The following KPNA5 variants were observed in gnomAD, a reference collection of about 807,000 sequenced individuals.
KPNA5 encodes karyopherin subunit alpha 5, also known as importin subunit alpha-6.
A neutral mutation model predicts 71.3 loss-of-function variants in KPNA5; 46 were observed. The ratio of observed to expected loss-of-function variants is 0.65; its 90% CI spans 0.51 to 0.83. KPNA5 has a LOEUF of 0.83. KPNA5 is among the 40% of genes least tolerant of loss of function. The pLI is 0.00. For synonymous variants in KPNA5, 207 were observed against 201.4 expected (o/e 1.03, Z -0.24); for missense variants, 547 against 628.3 (o/e 0.87, Z 1.38).
rs1010932340 is a variant in KPNA5, at chr6:116,706,761, G to A, written c.656+1601G>A. On this transcript the variant is annotated intron_variant, in intron 7 of 13. Coordinates refer to ENST00000368564, the MANE Select transcript of KPNA5 (RefSeq NM_001366306.2). ...TTTCAGAGTTTCATTATAAAACTTCGTCTTAGAAAGTTTCAAAGTATTTAA... is the reference window on the plus strand; with the variant it reads ...TTTCAGAGTTTCATTATAAAACTTCATCTTAGAAAGTTTCAAAGTATTTAA... Among the ~76,000 whole-genome samples the A allele has an allele frequency of 7.9e-5, 12 of 152,122 alleles. 1 individual carries two copies. Among genetic ancestry groups the A allele is most frequent in the South Asian group, 4.1e-4 (2 of 4,822 alleles).
chr6:116,724,501 C>CTGTGTGTGTGTG (rs1779224821), intron 10 of KPNA5, 126 bp downstream of exon 10: 2 of 606,688 alleles, frequency 3.3e-6, no homozygotes, highest in Non-Finnish European at 6.0e-6. Flanking sequence ...GTGTCTGTAT[C>CTGTGTGTGTGTG]TGTGTCTTGG....
intron 13 of KPNA5, among the ~76,000 whole-genome samples, chr6:116,730,343 T>A (rs1377196731): frequency 2.0e-5 from 3 of 151,988 alleles, no homozygotes. Flanking sequence ...CACCTCAACC[T>A]CCCAAAGTGC....
chr6:116,706,038 A>G (rs895341259), intron 7 of KPNA5, among the ~76,000 whole-genome samples: 1 of 152,262 alleles, frequency 6.6e-6, no homozygotes, highest in Non-Finnish European at 1.5e-5. Flanking sequence ...TTAATGGTCC[A>G]TAGTAATTGA....
At chr6:116,716,341 A>G in intron 8 of KPNA5, 23 bp downstream of exon 8, 1 of 1,466,824 alleles carries the variant, frequency 6.8e-7, no homozygotes, top group Non-Finnish European at 9.5e-7. Context: ...TACACAAATT[A>G]AAATATTTGT....
At position 116,736,026 on chromosome 6, in the gene KPNA5, G is replaced by T. The variant is rs1003841209; in HGVS notation, c.*3703G>T. 1.3e-5 allele frequency: 2 copies of T among 151,806 alleles called. No individual in the cohort carries two copies. Among genetic ancestry groups the T allele is most frequent in the Non-Finnish European group, 2.9e-5 (2 of 67,810 alleles). The allele number at this position is 151,806 out of a possible 1,614,324, so 9.4% of individuals were successfully genotyped here. A position where few individuals can be genotyped will look rare whatever the true frequency, so the allele number is the denominator to read the frequency against. ...TATACCATGCTATCACAAATCAAAAGTAAGTTGGGGTGGCCATATAATGCA... is the reference window on the plus strand; with the variant it reads ...TATACCATGCTATCACAAATCAAAATTAAGTTGGGGTGGCCATATAATGCA... On this transcript the variant is annotated 3_prime_UTR_variant, in exon 14 of 14. Transcript: ENST00000368564.
At position 116,693,505 on chromosome 6, in the gene KPNA5, T is replaced by C. The variant is rs1006874041; in HGVS notation, c.340+1113T>C. On this transcript the variant is annotated intron_variant, in intron 4 of 13. Transcript: ENST00000368564. ...TGGTCAGTGATGATGAGCATTTTTT[T>C]ATGTGTCTTTTGGCTGCATGAATGT... 2.1e-3 allele frequency among the ~76,000 whole-genome samples: 326 copies of C among 152,350 alleles called. 1 individual carries two copies. The highest frequency in any genetic ancestry group is 4.1e-3 in the Non-Finnish European group (279 of 68,030).
At chr6:116,708,223 G>A (rs1778521275) in intron 7 of KPNA5, among the ~76,000 whole-genome samples, 1 of 152,184 alleles carries the variant, frequency 6.6e-6, no homozygotes, top group African/African-American at 2.4e-5. Flanking sequence ...CATGTACAAG[G>A]TTTTGTCTCA....
At chr6:116,700,259 C>G (rs1162469051) in intron 5 of KPNA5, among the ~76,000 whole-genome samples, 1 of 152,040 alleles carries the variant, frequency 6.6e-6, no homozygotes, top group African/African-American at 2.4e-5. Context: ...ACCTCTTGAA[C>G]CCAGGCGTTT....
At chr6:116,712,462 A>G (rs1485673746) in intron 7 of KPNA5, among the ~76,000 whole-genome samples, 1 of 152,156 alleles carries the variant, frequency 6.6e-6, no homozygotes, top group Non-Finnish European at 1.5e-5. Flanking sequence ...CAACCTATTT[A>G]TGTCTTTGAT....
intron 8 of KPNA5, among the ~76,000 whole-genome samples, chr6:116,717,624 T>G (rs1202561972): frequency 6.6e-6 from 1 of 152,170 alleles, no homozygotes; most frequent in East Asian, 1.9e-4. Flanking sequence ...AGTGGAAGTT[T>G]ATTTAAAAGG....
intron 8 of KPNA5, among the ~76,000 whole-genome samples, chr6:116,720,659 C>T (rs1202363335): frequency 1.3e-5 from 2 of 152,052 alleles, no homozygotes; most frequent in African/African-American, 2.4e-5. Flanking sequence ...TCTAGACCAG[C>T]CTAGGCAACA....
At chr6:116,709,349 C>T (rs1778565126) in intron 7 of KPNA5, among the ~76,000 whole-genome samples, 1 of 151,250 alleles carries the variant, frequency 6.6e-6, no homozygotes, top group Admixed American at 6.6e-5. Flanking sequence ...AGGCGTGCAC[C>T]ACCATGCCTG....
chr6:116,692,101 TG>T lies in KPNA5; in HGVS notation c.186del (p.Met62IlefsTer30). On this transcript the variant is annotated frameshift_variant, in exon 3 of 14. Coordinates refer to ENST00000368564, the MANE Select transcript of KPNA5 (RefSeq NM_001366306.2). LOFTEE classifies it high-confidence loss of function. ...TATTTGCCCAGAAATGATGAATCTA[TG>T]CTTGAAAGTCCTATACAGGATCCAG... Reference protein sequence around the residue: ...NVYLPRNDESMLESPIQDPDI... With the variant: ...NVYLPRNDESXLESPIQDPDI... 1 of 1,613,192 alleles carries T rather than the reference TG, an allele frequency of 6.2e-7. No individual in the cohort carries two copies. The highest frequency in any genetic ancestry group is 8.5e-7 in the Non-Finnish European group (1 of 1,179,360).
In KPNA5 at chr6:116,729,564, T is replaced by C. The variant is rs1388392255; in HGVS notation, c.1255T>C (p.Tyr419His). ...TSGGTPEQIRYLVALGCIKPL... is the reference protein window; with the variant it reads ...TSGGTPEQIRHLVALGCIKPL... The stretch of plus-strand genomic sequence containing the variant: ...CTTCTCTTTTATATTAATCTGAAGG[T>C]ATTTGGTAGCTTTAGGCTGCATTAA... The change falls in exon 13 of 14, where the codon TAT (tyrosine) becomes CAT (histidine). Residue 419 changes from tyrosine to histidine, a missense_variant and splice_region_variant. Tyr to His is a moderately conservative substitution (Grantham distance 83). Coordinates refer to ENST00000368564, the MANE Select transcript of KPNA5 (RefSeq NM_001366306.2). 1 of 1,510,810 alleles carries C rather than the reference T, an allele frequency of 6.6e-7. No individual in the cohort carries two copies. Among genetic ancestry groups the C allele is most frequent in the Non-Finnish European group, 8.9e-7 (1 of 1,123,770 alleles). 93.6% of individuals were successfully genotyped at this position (1,510,810 alleles called of 1,614,324 possible).
chr6:116,682,388 T>A (rs1254866448), intron 1 of KPNA5, among the ~76,000 whole-genome samples: 1 of 152,140 alleles, frequency 6.6e-6, no homozygotes, highest in African/African-American at 2.4e-5. Context: ...ACATGTTTTT[T>A]AAAAAAGACA....
intron 7 of KPNA5, among the ~76,000 whole-genome samples, chr6:116,709,300 G>A (rs646832): frequency 0.066 from 9,982 of 151,904 alleles, 450 homozygotes; most frequent in Admixed American, 0.15. Context: ...GGGTTCAAGC[G>A]GTTCTCATGC....
intron 1 of KPNA5, among the ~76,000 whole-genome samples, chr6:116,682,210 T>G (rs1487318065): frequency 6.6e-6 from 1 of 152,096 alleles, no homozygotes; most frequent in Non-Finnish European, 1.5e-5. Flanking sequence ...GCGCCTGTAG[T>G]CCCAGCGACT....
chr6:116,693,407 A>G (rs930236507), intron 4 of KPNA5, among the ~76,000 whole-genome samples: 18 of 152,084 alleles, frequency 1.2e-4, no homozygotes, highest in Non-Finnish European at 2.5e-4. Flanking sequence ...GTTGTTTCCT[A>G]ACTTTTTAAT....
At chr6:116,701,452 CAG>C (rs1411659419) in intron 5 of KPNA5, among the ~76,000 whole-genome samples, 1 of 152,140 alleles carries the variant, frequency 6.6e-6, no homozygotes, top group East Asian at 1.9e-4. Flanking sequence ...GATAACTTCT[CAG>C]AGACTCTGCA....
Sources: gnomAD v4.1 joint callset for allele counts (sites outside exome capture counted in the v4.1 genomes callset) on GRCh38, gnomAD v4.1.1 for gene constraint, MANE v1.5 for transcripts, NCBI Gene and HGNC (gene_info 2026-07-23, HGNC 2026-07-21) for gene names.